Variants in SHISA6 observed in about 807,000 individuals in gnomAD.
SHISA6 encodes protein shisa-6.
A neutral mutation model predicts 47.9 loss-of-function variants in SHISA6; 22 were observed. That is an observed-to-expected ratio of 0.46 (90% CI 0.33 to 0.66). The LOEUF is 0.66. Among genes scored for constraint, SHISA6 ranks in the 30% least tolerant of loss-of-function variants. The probability of loss-of-function intolerance (pLI) is 0.02; values close to 1 mark genes in which losing one functional copy is unlikely to be tolerated. For missense variants in SHISA6, 680 were observed against 764.6 expected (o/e 0.89, Z 1.30); for synonymous variants, 388 against 337.8 (o/e 1.15, Z -1.63).
chr17:11,299,808 A>G (rs1909861081), intron 2 of SHISA6, among the ~76,000 whole-genome samples: 1 of 152,104 alleles, frequency 6.6e-6, no homozygotes, highest in Non-Finnish European at 1.5e-5. Flanking sequence ...CATCTCAAGA[A>G]CCTTAACTTG....
intron 3 of SHISA6, among the ~76,000 whole-genome samples, chr17:11,380,734 G>A (rs1384667184): frequency 6.6e-6 from 1 of 152,142 alleles, no homozygotes; most frequent in African/African-American, 2.4e-5. Flanking sequence ...TGAGTGCTTT[G>A]GGCTTGGAGT....
chr17:11,415,933 C>G (rs990579329), intron 3 of SHISA6, among the ~76,000 whole-genome samples: 1 of 152,142 alleles, frequency 6.6e-6, no homozygotes, highest in East Asian at 1.9e-4. Context: ...AGCCCAGGAT[C>G]GAGGTGATAG....
At chr17:11,276,597 T>TCAC (rs757899584) in intron 2 of SHISA6, among the ~76,000 whole-genome samples, 9 of 151,934 alleles carry the variant, frequency 5.9e-5, no homozygotes, top group African/African-American at 1.9e-4. Flanking sequence ...ATCATCGTTG[T>TCAC]CACCACCACC....
chr17:11,451,235 G>T (rs2908945), intron 3 of SHISA6, among the ~76,000 whole-genome samples: 49,748 of 151,900 alleles, frequency 0.33, 8,447 homozygotes, highest in African/African-American at 0.39. Context: ...CCCTTCAATA[G>T]GCTCTCCATA....
intron 2 of SHISA6, among the ~76,000 whole-genome samples, chr17:11,293,695 T>C (rs934130876): frequency 2.0e-5 from 3 of 152,086 alleles, no homozygotes; most frequent in Non-Finnish European, 4.4e-5. Context: ...ATGATCTCGA[T>C]GGATATCTGC....
At chr17:11,332,825 A>G (rs1345706041) in intron 2 of SHISA6, among the ~76,000 whole-genome samples, 3 of 152,180 alleles carry the variant, frequency 2.0e-5, no homozygotes, top group Non-Finnish European at 4.4e-5. Context: ...GGGTTTTGAC[A>G]GAGCAACCCG....
intron 3 of SHISA6, among the ~76,000 whole-genome samples, chr17:11,524,662 A>G (rs1015057342): frequency 1.3e-5 from 2 of 151,868 alleles, no homozygotes; most frequent in Non-Finnish European, 2.9e-5. Context: ...ATGCTCAGCT[A>G]ATTTTTTTGT....
At chr17:11,267,920 G>A (rs528954094) in intron 2 of SHISA6, among the ~76,000 whole-genome samples, 4 of 152,272 alleles carry the variant, frequency 2.6e-5, no homozygotes, top group South Asian at 4.2e-4. Flanking sequence ...GAGATGCACC[G>A]TACCTAGCGT....
intron 3 of SHISA6, among the ~76,000 whole-genome samples, chr17:11,514,029 A>G (rs2071562546): frequency 6.6e-6 from 1 of 152,158 alleles, no homozygotes; most frequent in African/African-American, 2.4e-5. Flanking sequence ...CTTTGCTAGC[A>G]GCATGCTCTG....
intron 2 of SHISA6, among the ~76,000 whole-genome samples, chr17:11,294,046 C>T (rs371193847): frequency 3.9e-5 from 6 of 151,932 alleles, no homozygotes; most frequent in Admixed American, 6.6e-5. Context: ...CCACCATGCC[C>T]GGCTAATTTT....
At chr17:11,402,952 T>C (rs1205428736) in intron 3 of SHISA6, among the ~76,000 whole-genome samples, 1 of 152,196 alleles carries the variant, frequency 6.6e-6, no homozygotes, top group Non-Finnish European at 1.5e-5. Flanking sequence ...GTGCTCTTCG[T>C]GGAACCTTCT....
intron 3 of SHISA6, among the ~76,000 whole-genome samples, chr17:11,494,608 A>T (rs1336754813): frequency 1.3e-5 from 2 of 152,310 alleles, no homozygotes; most frequent in South Asian, 4.1e-4. Context: ...TCTGGAATAG[A>T]GTGAAAACAT....
At position 11,310,013 on chromosome 17, in the gene SHISA6, C is replaced by T. The variant is rs147523993; in HGVS notation, c.799+46487C>T. Among the ~76,000 whole-genome samples, 1,045 of 152,314 alleles carry T rather than the reference C, an allele frequency of 6.9e-3. 8 individuals carry two copies. The highest frequency in any genetic ancestry group is 0.023 in the African/African-American group (961 of 41,582). Reference sequence around the variant, plus strand: ...TGGCTCATGGTACTTAATCACCTTTCTTAGGTGAGATCCTAGGCTCATGGC... The same window carrying T: ...TGGCTCATGGTACTTAATCACCTTTTTTAGGTGAGATCCTAGGCTCATGGC... On this transcript the variant is annotated intron_variant, in intron 2 of 5. Transcript: ENST00000441885.
At chr17:11,509,741 C>T (rs577427612) in intron 3 of SHISA6, among the ~76,000 whole-genome samples, 16 of 152,260 alleles carry the variant, frequency 1.1e-4, no homozygotes, top group East Asian at 1.9e-4. Flanking sequence ...GTGAGTTGGG[C>T]GGCAGTGTCC....
At chr17:11,324,582 G>T (rs1910812640) in intron 2 of SHISA6, among the ~76,000 whole-genome samples, 3 of 151,968 alleles carry the variant, frequency 2.0e-5, no homozygotes, top group Admixed American at 1.3e-4. Context: ...TGGGGCTGGA[G>T]AACACAGTTG....
chr17:11,491,378 G>T (rs902260205), intron 3 of SHISA6, among the ~76,000 whole-genome samples: 8 of 152,170 alleles, frequency 5.3e-5, no homozygotes, highest in Non-Finnish European at 1.2e-4. Context: ...ACGGCCCACT[G>T]CAGCCTTCAA....
rs917542644 is a variant in SHISA6 at position 11,504,004 on chromosome 17, T to A, written c.896-47892T>A. Among the ~76,000 whole-genome samples the A allele has an allele frequency of 5.3e-5, 8 of 152,370 alleles. No individual in the cohort carries two copies. The East Asian group carries it at 1.2e-3, about 22-fold the overall frequency. ...AGAACTAAAATAACACAATGCCTTC[T>A]GGCGATTTTTAAACCTAGGGGAGAT... On this transcript the variant is annotated intron_variant, in intron 3 of 5. Coordinates refer to ENST00000441885, the MANE Select transcript of SHISA6 (RefSeq NM_207386.4).
At chr17:11,507,482 T>A (rs777747349) in intron 3 of SHISA6, among the ~76,000 whole-genome samples, 12 of 152,218 alleles carry the variant, frequency 7.9e-5, no homozygotes, top group South Asian at 4.1e-4. Flanking sequence ...TGCATTGCCT[T>A]GGGCAATAAG....
At chr17:11,501,711 G>C (rs1486751669) in intron 3 of SHISA6, among the ~76,000 whole-genome samples, 3 of 152,012 alleles carry the variant, frequency 2.0e-5, no homozygotes, top group African/African-American at 7.2e-5. Context: ...GAGAGAGAGA[G>C]ACAGAGAGAG....
Sources: allele counts gnomAD v4.1 joint callset (sites outside exome capture counted in the v4.1 genomes callset), GRCh38; gene constraint gnomAD v4.1.1; transcripts MANE v1.5; gene names NCBI Gene and HGNC (gene_info 2026-07-23, HGNC 2026-07-21).